The following THAP4 variants were observed in gnomAD, a reference collection of about 807,000 sequenced individuals.
THAP4 encodes THAP domain containing 4, also known as peroxynitrite isomerase THAP4.
Under a neutral mutation model 48.1 loss-of-function variants are expected in THAP4, and 18 were observed. That is an observed-to-expected ratio of 0.37 (90% CI 0.26 to 0.56). The LOEUF is 0.56. THAP4 is among the 20% of genes least tolerant of loss of function. The probability of loss-of-function intolerance (pLI) is 0.78; values close to 1 mark genes in which losing one functional copy is unlikely to be tolerated. For synonymous variants in THAP4, 345 were observed against 324.9 expected (o/e 1.06, Z -0.66); for missense variants, 656 against 774.9 (o/e 0.85, Z 1.82).
chr2:241,594,607 CA>C (rs2125070642), intron 5 of THAP4: 1 of 356,342 alleles, frequency 2.8e-6, no homozygotes. Flanking sequence ...ACAACAACAA[CA>C]AAAACCGGGC....
intron 2 of THAP4, among the ~76,000 whole-genome samples, chr2:241,629,524 T>G (rs1291552545): frequency 2.0e-5 from 3 of 148,490 alleles, no homozygotes; most frequent in East Asian, 2.0e-4. Flanking sequence ...AGAAGAATAA[T>G]AAGAAAACGG....
chr2:241,622,686 A>G (rs551137715), intron 2 of THAP4, among the ~76,000 whole-genome samples: 3 of 152,124 alleles, frequency 2.0e-5, no homozygotes, highest in African/African-American at 7.2e-5. Context: ...TGCAGCTTCA[A>G]CCTCCGGGGC....
At chr2:241,634,815 C>T (rs781245786) in intron 1 of THAP4, among the ~76,000 whole-genome samples, 13 of 152,144 alleles carry the variant, frequency 8.5e-5, no homozygotes, top group Admixed American at 3.9e-4. Flanking sequence ...GAGTGAAACC[C>T]GGTCTTCTCC....
intron 5 of THAP4, among the ~76,000 whole-genome samples, chr2:241,590,037 G>A (rs569411493): frequency 1.7e-4 from 25 of 145,386 alleles, no homozygotes; most frequent in East Asian, 6.1e-4. Context: ...TGACGATGAC[G>A]GGCACTAGGA....
chr2:241,601,884 G>C lies in THAP4; in HGVS notation c.1614+12C>G. 1 of 1,613,846 alleles carries C rather than the reference G, an allele frequency of 6.2e-7. No individual in the cohort carries two copies. Among genetic ancestry groups the C allele is most frequent in the Non-Finnish European group, 8.5e-7 (1 of 1,179,990 alleles). Reference sequence around the variant, plus strand: ...GAAGACAGGAGCGTGCTGGGAGCAGGGCTGGGCTCACCTGCTCTACGTGGG... The same window carrying C: ...GAAGACAGGAGCGTGCTGGGAGCAGCGCTGGGCTCACCTGCTCTACGTGGG... On this transcript the variant is annotated intron_variant, in intron 5 of 5. Transcript: ENST00000407315. The surrounding 1 kb of genome is among the most constrained non-coding windows in gnomAD (Gnocchi z 4.0).
chr2:241,593,700 A>G (rs914798195), intron 5 of THAP4, among the ~76,000 whole-genome samples: 3 of 152,090 alleles, frequency 2.0e-5, no homozygotes, highest in Non-Finnish European at 4.4e-5. Flanking sequence ...TCATGTATTT[A>G]TTTTGAGACA....
rs1280994284 is a variant in THAP4 at position 241,612,025 on chromosome 2, C to T, written c.1241-5552G>A. Among the ~76,000 whole-genome samples, 1 of 152,130 alleles carries T rather than the reference C, an allele frequency of 6.6e-6. No homozygotes were observed. Among genetic ancestry groups the T allele is most frequent in the Non-Finnish European group, 1.5e-5 (1 of 68,040 alleles). ...TCAAGTGATTCTCCCGCCTCAGCCT[C>T]CCGAGTAGTTGAATGAAGCTGCTCC... On this transcript the variant is annotated intron_variant, in intron 2 of 5. Coordinates refer to ENST00000407315, the MANE Select transcript of THAP4 (RefSeq NM_015963.6). The surrounding 1 kb of genome is among the most constrained non-coding windows in gnomAD (Gnocchi z 4.1).
Position 241,601,911 on chromosome 2 carries a change from C to T in THAP4, c.1599G>A (p.Glu533=). ...HSIARISFAK[E]PHVEQITRKF... ...CTGGGCTCACCTGCTCTACGTGGGG[C>T]TCCTTGGCGAAGGAGATCCTGGCGA... The change falls in exon 5 of 6, where the codon GAG becomes GAA. Residue 533 remains glutamate (E), a synonymous_variant. Coordinates refer to ENST00000407315, the MANE Select transcript of THAP4 (RefSeq NM_015963.6). This position sits in a 1 kb window ranked among gnomAD's most constrained non-coding sequence, Gnocchi z 4.0. 6.2e-7 allele frequency: 1 copy of T among 1,613,970 alleles called. No homozygotes were observed. The highest frequency in any genetic ancestry group is 8.5e-7 in the Non-Finnish European group (1 of 1,180,034).
At chr2:241,617,462 T>G in intron 2 of THAP4, 2 of 1,550,822 alleles carry the variant, frequency 1.3e-6, no homozygotes, top group South Asian at 2.4e-5. Flanking sequence ...TCCTCAAGGT[T>G]GTTTTCTGCC....
chr2:241,592,028 A>G (rs1251115375), intron 5 of THAP4: 3 of 152,396 alleles, frequency 2.0e-5, no homozygotes, highest in South Asian at 4.1e-4. Flanking sequence ...GAAAAGGCAC[A>G]GTGGAAATGG....
At chr2:241,602,107 G>T in intron 4 of THAP4, 108 bp from the exon 5 acceptor site, 1 of 1,051,906 alleles carries the variant, frequency 9.5e-7, no homozygotes. Flanking sequence ...CCCCAACTCT[G>T]CAGCTGTGGA....
At position 241,610,040 on chromosome 2, in the gene THAP4, C is replaced by CGG. The variant is rs1390896068; in HGVS notation, c.1241-3568_1241-3567insCC. ...CCGGGGCCGCGATCTCCACCCCTCA[C>CGG]GCCCGAGTCCCCGGCACGGCCACCA... On this transcript the variant is annotated intron_variant, in intron 2 of 5. Coordinates refer to ENST00000407315, the MANE Select transcript of THAP4 (RefSeq NM_015963.6). This position sits in a 1 kb window ranked among gnomAD's most constrained non-coding sequence, Gnocchi z 4.2. Among the ~76,000 whole-genome samples the CGG allele has an allele frequency of 2.6e-5, 4 of 152,236 alleles. No individual in the cohort carries two copies. Among genetic ancestry groups the CGG allele is most frequent in the Non-Finnish European group, 5.9e-5 (4 of 68,030 alleles).
intron 2 of THAP4, among the ~76,000 whole-genome samples, chr2:241,621,581 G>C (rs1231084540): frequency 6.6e-6 from 1 of 151,810 alleles, no homozygotes; most frequent in African/African-American, 2.4e-5. Flanking sequence ...TATGTCAATA[G>C]AAACTTCCCA....
chr2:241,601,808 G>T lies in THAP4; in HGVS notation c.1614+88C>A. On this transcript the variant is annotated intron_variant, in intron 5 of 5. Transcript: ENST00000407315. The surrounding 1 kb of genome is among the most constrained non-coding windows in gnomAD (Gnocchi z 4.0). ...CCTGTGAGACACAGTGGCAAGACACGCACTACCTCACGGAAGAGGAAGAGG... is the reference window on the plus strand; with the variant it reads ...CCTGTGAGACACAGTGGCAAGACACTCACTACCTCACGGAAGAGGAAGAGG... The T allele has an allele frequency of 6.4e-7, 1 of 1,573,932 alleles. No homozygotes were observed.
At chr2:241,618,108 T>C (rs1452649293) in intron 2 of THAP4, among the ~76,000 whole-genome samples, 1 of 152,212 alleles carries the variant, frequency 6.6e-6, no homozygotes, top group Non-Finnish European at 1.5e-5. Context: ...GCACCAGCTG[T>C]CCCAAGGTGG....
chr2:241,588,059 AAAG>A (rs1401568583), intron 5 of THAP4, among the ~76,000 whole-genome samples: 2 of 152,048 alleles, frequency 1.3e-5, no homozygotes, highest in Admixed American at 1.3e-4. Flanking sequence ...GAGGGAAGGA[AAAG>A]AAGAAAAATA....
At chr2:241,620,023 G>C (rs1202266530) in intron 2 of THAP4, among the ~76,000 whole-genome samples, 1 of 103,448 alleles carries the variant, frequency 9.7e-6, no homozygotes. Context: ...GATGAGTGAG[G>C]GGTGAGTTGG....
intron 5 of THAP4, among the ~76,000 whole-genome samples, chr2:241,590,948 G>A (rs71430363): frequency 2.0e-3 from 138 of 67,886 alleles, no homozygotes; most frequent in Non-Finnish European, 2.4e-3. Flanking sequence ...GACACACAGA[G>A]CTGCTCGGCT....
chr2:241,609,482 C>A (rs1002336168), intron 2 of THAP4, among the ~76,000 whole-genome samples: 1 of 152,202 alleles, frequency 6.6e-6, no homozygotes, highest in African/African-American at 2.4e-5. Flanking sequence ...CAGCTCAGCA[C>A]TGAAAAGAAA....
Sources: allele counts gnomAD v4.1 joint callset (sites outside exome capture counted in the v4.1 genomes callset), GRCh38; gene constraint gnomAD v4.1.1; non-coding constraint Gnocchi (gnomAD v3.1); transcripts MANE v1.5; gene names NCBI Gene and HGNC (gene_info 2026-07-23, HGNC 2026-07-21).